The following RIPK2 variants were observed in gnomAD, a reference collection of about 807,000 sequenced individuals.
RIPK2 encodes receptor interacting serine/threonine kinase 2, also known as receptor-interacting serine/threonine-protein kinase 2.
In RIPK2, 38 loss-of-function variants were observed where a neutral mutation model predicts 60.9. That is an observed-to-expected ratio of 0.62 (90% CI 0.48 to 0.82). The LOEUF (loss-of-function observed/expected upper bound fraction) is 0.82. Among genes scored for constraint, RIPK2 ranks in the 40% least tolerant of loss-of-function variants. The pLI, the probability that RIPK2 is intolerant of heterozygous loss-of-function variation, is 0.00. For synonymous variants in RIPK2, 225 were observed against 223.4 expected (o/e 1.01, Z -0.06); for missense variants, 518 against 647.0 (o/e 0.80, Z 2.16).
chr8:89,760,658 T>C (rs1809129881), intron 1 of RIPK2, among the ~76,000 whole-genome samples: 1 of 152,172 alleles, frequency 6.6e-6, no homozygotes, highest in Non-Finnish European at 1.5e-5. Context: ...CTTATTAGTG[T>C]GACCATTAGA....
chr8:89,771,947 A>G (rs968625739), intron 5 of RIPK2, among the ~76,000 whole-genome samples, 157 bp downstream of exon 5: 1 of 152,034 alleles, frequency 6.6e-6, no homozygotes, highest in African/African-American at 2.4e-5. Context: ...CACATACTGC[A>G]AAATATACCG....
intron 7 of RIPK2, among the ~76,000 whole-genome samples, chr8:89,780,945 T>G (rs575693423): frequency 1.3e-3 from 178 of 132,502 alleles, no homozygotes; most frequent in South Asian, 5.8e-3. Flanking sequence ...ACTGCAGGGG[T>G]TTTTTTTTTT....
At chr8:89,778,039 GA>G (rs2130570894) in intron 6 of RIPK2, among the ~76,000 whole-genome samples, 1 of 151,802 alleles carries the variant, frequency 6.6e-6, no homozygotes, top group South Asian at 2.1e-4. Flanking sequence ...CTACTGAAAA[GA>G]AATGAAAAGT....
At chr8:89,767,230 T>C (rs765522415) in intron 3 of RIPK2, among the ~76,000 whole-genome samples, 3 of 151,812 alleles carry the variant, frequency 2.0e-5, no homozygotes, top group Non-Finnish European at 4.4e-5. Flanking sequence ...AGCTATACTA[T>C]ATCTAACTGA....
intron 6 of RIPK2, among the ~76,000 whole-genome samples, chr8:89,777,474 C>A (rs1809417484): frequency 6.6e-6 from 1 of 152,066 alleles, no homozygotes; most frequent in Admixed American, 6.6e-5. Context: ...ATGAAAAATA[C>A]AATGCATTAT....
chr8:89,769,070 T>C (rs1366887607), intron 3 of RIPK2, among the ~76,000 whole-genome samples: 2 of 151,856 alleles, frequency 1.3e-5, no homozygotes, highest in South Asian at 2.1e-4. Flanking sequence ...TATTTAGTTA[T>C]AAGATACTGT....
intron 6 of RIPK2, among the ~76,000 whole-genome samples, chr8:89,777,597 GTT>G (rs869039524): frequency 3.9e-5 from 6 of 151,958 alleles, no homozygotes; most frequent in African/African-American, 1.5e-4. Flanking sequence ...GTGTGTGTGT[GTT>G]TAATTTATCA....
chr8:89,778,206 ATATT>A (rs1485621941), intron 6 of RIPK2, among the ~76,000 whole-genome samples: 2 of 152,206 alleles, frequency 1.3e-5, no homozygotes, highest in African/African-American at 4.8e-5. Flanking sequence ...TAGAGAGTAT[ATATT>A]CTGAAAATGG....
chr8:89,781,101 C>T (rs532318480), intron 7 of RIPK2, among the ~76,000 whole-genome samples: 1 of 151,948 alleles, frequency 6.6e-6, no homozygotes, highest in East Asian at 2.0e-4. Flanking sequence ...TAAAAACCAG[C>T]AGTTAGCCAA....
chr8:89,784,544 T>G (rs1276549044), intron 8 of RIPK2, among the ~76,000 whole-genome samples: 3 of 152,222 alleles, frequency 2.0e-5, no homozygotes, highest in African/African-American at 7.2e-5. Context: ...TTTAGTAGCA[T>G]TCAATCAGAC....
intron 1 of RIPK2, among the ~76,000 whole-genome samples, chr8:89,758,503 C>T (rs1027329806): frequency 6.6e-6 from 1 of 152,200 alleles, no homozygotes; most frequent in South Asian, 2.1e-4. Context: ...CCTCTTACTC[C>T]TAGGCGTTCT....
chr8:89,790,309 G>C lies in RIPK2; in HGVS notation c.1516G>C (p.Val506Leu). The C allele has an allele frequency of 6.2e-7, 1 of 1,614,010 alleles. No homozygotes were observed. The highest frequency in any genetic ancestry group is 1.1e-5 in the South Asian group (1 of 91,086). The change falls in exon 11 of 11, where the codon GTA becomes CTA. Residue 506 changes from valine (V) to leucine (L), a missense_variant. By Grantham distance (32) the Val-to-Leu change is conservative. This residue lies in a region of RIPK2 where 41 missense variants were observed against 43.7 expected (regional missense o/e 0.94). Transcript: ENST00000220751. ...AGGAGAAGAATTTGCCAAAGTTATA[G>C]TACAAAAATTGAAAGATAACAAACA... is the stretch of plus-strand genomic sequence containing the variant. ...IQGEEFAKVI[V>L]QKLKDNKQMG...
At chr8:89,772,209 G>A (rs904331837) in intron 5 of RIPK2, among the ~76,000 whole-genome samples, 8 of 151,956 alleles carry the variant, frequency 5.3e-5, no homozygotes, top group African/African-American at 1.9e-4. Context: ...AGCAAATATC[G>A]AAGACTAATC....
At chr8:89,787,384 C>T (rs753449396) in intron 9 of RIPK2, among the ~76,000 whole-genome samples, 1 of 152,176 alleles carries the variant, frequency 6.6e-6, no homozygotes, top group Non-Finnish European at 1.5e-5. Context: ...CCTCATTTTA[C>T]ACATTTAAGG....
intron 2 of RIPK2, among the ~76,000 whole-genome samples, chr8:89,763,188 A>G (rs955512693): frequency 6.6e-6 from 1 of 152,124 alleles, no homozygotes; most frequent in Non-Finnish European, 1.5e-5. Flanking sequence ...TGTACTCTAG[A>G]TTATTTTGCC....
chr8:89,775,080 T>A (rs1258311265), intron 6 of RIPK2, among the ~76,000 whole-genome samples: 1 of 152,114 alleles, frequency 6.6e-6, no homozygotes, highest in Non-Finnish European at 1.5e-5. Flanking sequence ...TCCAGCAAGA[T>A]GCTTGGCTCT....
At position 89,767,827 on chromosome 8, in the gene RIPK2, A is replaced by G. The variant is rs541343524; in HGVS notation, c.484-1945A>G. Among the ~76,000 whole-genome samples the G allele has an allele frequency of 1.2e-4, 18 of 151,944 alleles. No individual in the cohort carries two copies. The East Asian group carries it at 3.5e-3, about 29-fold the overall frequency. ...GCCCTTTCAATATTTGAAGATAGCTATGAGCTGTCTCCCAAACCCTCACGT... is the reference window on the plus strand; with the variant it reads ...GCCCTTTCAATATTTGAAGATAGCTGTGAGCTGTCTCCCAAACCCTCACGT... On this transcript the variant is annotated intron_variant, in intron 3 of 10. Coordinates refer to ENST00000220751, the MANE Select transcript of RIPK2 (RefSeq NM_003821.6).
At chr8:89,778,351 ACATT>A (rs1333475324) in intron 6 of RIPK2, among the ~76,000 whole-genome samples, 1 of 152,204 alleles carries the variant, frequency 6.6e-6, no homozygotes, top group African/African-American at 2.4e-5. Context: ...ATTTATCTAT[ACATT>A]CATTGACTTT....
At chr8:89,770,659 T>C (rs569550682) in intron 4 of RIPK2, among the ~76,000 whole-genome samples, 1 of 150,646 alleles carries the variant, frequency 6.6e-6, no homozygotes, top group African/African-American at 2.5e-5. Flanking sequence ...TTAAATGGCT[T>C]TTTGCCATCT....
Sources: allele counts gnomAD v4.1 joint callset (sites outside exome capture counted in the v4.1 genomes callset), GRCh38; gene constraint gnomAD v4.1.1; regional missense constraint gnomAD v4.1.1; transcripts MANE v1.5; gene names NCBI Gene and HGNC (gene_info 2026-07-23, HGNC 2026-07-21).